Variants in GPC3 observed in about 807,000 individuals in gnomAD.
GPC3 encodes the protein glypican-3.
Under a neutral mutation model 34.4 loss-of-function variants are expected in GPC3, and 3 were observed. The observed-to-expected ratio is 0.09, with a 90% CI of 0.04 to 0.23. GPC3 has a LOEUF of 0.23. Ranked by LOEUF, GPC3 falls within the 10% of genes least tolerant of loss-of-function variation. The pLI is 1.00. For synonymous variants in GPC3, 177 were observed against 174.0 expected (o/e 1.02, Z -0.13); for missense variants, 351 against 445.6 (o/e 0.79, Z 1.91).
At position 133,730,415 on chromosome X, in the gene GPC3, G is replaced by T. The variant is rs762514110; in HGVS notation, c.1032+23067C>A. On this transcript the variant is annotated intron_variant, in intron 3 of 7. Transcript: ENST00000370818. ...ACTTATGCAACAGTCAAAGCTGAGA[G>T]AAACAAGACTGAAAGTTTTTATTCA... Among the ~76,000 whole-genome samples, 7 of 111,815 alleles carry T rather than the reference G, an allele frequency of 6.3e-5. 1 individual carries two copies. In the South Asian group the frequency reaches 2.6e-3, roughly 42 times the overall value.
At chrX:133,908,198 C>T (rs1020325907) in intron 2 of GPC3, among the ~76,000 whole-genome samples, 16 of 111,918 alleles carry the variant, frequency 1.4e-4, no homozygotes, top group African/African-American at 3.9e-4. Flanking sequence ...AGGACCTCTT[C>T]TAAGTTCCTT....
intron 7 of GPC3, among the ~76,000 whole-genome samples, chrX:133,590,890 A>G (rs1445955157): frequency 1.8e-5 from 2 of 112,377 alleles, no homozygotes; most frequent in Non-Finnish European, 3.8e-5. Flanking sequence ...AAAGAAATGA[A>G]CATAATCACA....
intron 2 of GPC3, among the ~76,000 whole-genome samples, chrX:133,851,493 CA>C (rs1333725109): frequency 2.7e-5 from 3 of 111,818 alleles, no homozygotes; most frequent in African/African-American, 9.7e-5. Context: ...ATGGGTTATA[CA>C]ATCAATCTTG....
chrX:133,638,705 T>G (rs944685552), intron 6 of GPC3, among the ~76,000 whole-genome samples: 6 of 110,780 alleles, frequency 5.4e-5, no homozygotes, highest in African/African-American at 1.6e-4. Flanking sequence ...GGAATGATAC[T>G]TTTTAGACTT....
Position 133,858,141 on chromosome X carries a change from C to T in GPC3, c.337+94909G>A, listed in dbSNP as rs750369931. Among the ~76,000 whole-genome samples, 6 of 111,548 alleles carry T rather than the reference C, an allele frequency of 5.4e-5. No homozygotes were observed. The Admixed American group carries it at 5.7e-4, about 11-fold the overall frequency. Reference sequence around the variant, plus strand: ...GGGGGGCTGCTAAAGGAGTGTCTTGCCATTATCTGGAGAAATTTCCGAACT... The same window carrying T: ...GGGGGGCTGCTAAAGGAGTGTCTTGTCATTATCTGGAGAAATTTCCGAACT... On this transcript the variant is annotated intron_variant, in intron 2 of 7. Coordinates refer to ENST00000370818, the MANE Select transcript of GPC3 (RefSeq NM_004484.4).
chrX:133,695,588 A>G (rs897043409), intron 4 of GPC3, among the ~76,000 whole-genome samples: 2 of 112,004 alleles, frequency 1.8e-5, no homozygotes, highest in African/African-American at 6.5e-5. Context: ...GGATGCAAAT[A>G]AAATAAACAC....
At chrX:133,698,821 C>T (rs766546899) in intron 4 of GPC3, among the ~76,000 whole-genome samples, 1 of 111,726 alleles carries the variant, frequency 9.0e-6, no homozygotes, top group African/African-American at 3.2e-5. Flanking sequence ...ATCTTAATTC[C>T]CACTTCTCCT....
intron 2 of GPC3, among the ~76,000 whole-genome samples, chrX:133,863,887 C>T (rs1283914493): frequency 9.4e-6 from 1 of 106,474 alleles, no homozygotes; most frequent in Non-Finnish European, 1.9e-5. Flanking sequence ...GATCTCCTGA[C>T]CTCATGATCC....
At chrX:133,855,865 A>G (rs1225443494) in intron 2 of GPC3, among the ~76,000 whole-genome samples, 4 of 111,354 alleles carry the variant, frequency 3.6e-5, no homozygotes, top group Non-Finnish European at 7.5e-5. Flanking sequence ...AAATACGATC[A>G]TAAAATATTT....
chrX:133,966,763 G>A (rs1465902974), intron 1 of GPC3, among the ~76,000 whole-genome samples: 5 of 112,210 alleles, frequency 4.5e-5, no homozygotes, highest in Admixed American at 3.8e-4. Context: ...CTATACTAAC[G>A]TGCTCTAGTG....
intron 6 of GPC3, among the ~76,000 whole-genome samples, chrX:133,638,574 C>T (rs1353520421): frequency 8.9e-6 from 1 of 111,787 alleles, no homozygotes; most frequent in African/African-American, 3.3e-5. Context: ...TCATACAATA[C>T]GTAGGTCGTT....
At chrX:133,562,743 T>C (rs1029274041) in intron 7 of GPC3, among the ~76,000 whole-genome samples, 5 of 111,880 alleles carry the variant, frequency 4.5e-5, no homozygotes, top group East Asian at 2.8e-4. Flanking sequence ...GCAGGTCCAT[T>C]CTGAGTAGAT....
At position 133,536,153 on chromosome X, in the gene GPC3, C is replaced by T. The variant is rs2069287188; in HGVS notation, c.1714G>A (p.Val572Met). 1 of 1,207,859 alleles carries T rather than the reference C, an allele frequency of 8.3e-7. No homozygotes were observed. ...TGCACCAGGAAGAAGAAGCACACCACCGAGATGGCCATGCTGGTGAGAAGC... is the reference window on the plus strand; with the variant it reads ...TGCACCAGGAAGAAGAAGCACACCATCGAGATGGCCATGCTGGTGAGAAGC... ...LKLLTSMAIS[V>M]VCFFFLVH The change falls in exon 8 of 8, where the codon GTG becomes ATG. Residue 572 changes from valine to methionine, a missense_variant. Physicochemically the swap from Val to Met is conservative, Grantham distance 21. Coordinates refer to ENST00000370818, the MANE Select transcript of GPC3 (RefSeq NM_004484.4).
At chrX:133,810,617 G>T (rs1027742902) in intron 2 of GPC3, among the ~76,000 whole-genome samples, 4 of 111,351 alleles carry the variant, frequency 3.6e-5, no homozygotes, top group Admixed American at 9.5e-5. Flanking sequence ...GTTGAAAGAG[G>T]CCTGGCGCCT....
intron 6 of GPC3, among the ~76,000 whole-genome samples, chrX:133,607,096 G>A (rs2070058211): frequency 9.0e-6 from 1 of 110,789 alleles, no homozygotes; most frequent in South Asian, 3.9e-4. Flanking sequence ...TGTTCTCTTA[G>A]TTGATCTATA....
intron 2 of GPC3, among the ~76,000 whole-genome samples, chrX:133,888,662 C>A (rs1308407735): frequency 1.8e-5 from 2 of 112,319 alleles, no homozygotes; most frequent in African/African-American, 6.5e-5. Flanking sequence ...ATTTGCATTT[C>A]TCTAATGACC....
At chrX:133,613,344 T>C (rs1397033787) in intron 6 of GPC3, among the ~76,000 whole-genome samples, 1 of 111,776 alleles carries the variant, frequency 8.9e-6, no homozygotes, top group East Asian at 2.8e-4. Context: ...TGGAATAATA[T>C]CAAGCCCAAA....
At chrX:133,903,452 A>G (rs1378772644) in intron 2 of GPC3, among the ~76,000 whole-genome samples, 1 of 109,892 alleles carries the variant, frequency 9.1e-6, no homozygotes, top group African/African-American at 3.3e-5. Context: ...AGCCAGGCGC[A>G]GTGGCGTGCA....
At chrX:133,968,265 G>A (rs1377198171) in intron 1 of GPC3, among the ~76,000 whole-genome samples, 1 of 112,309 alleles carries the variant, frequency 8.9e-6, no homozygotes, top group Non-Finnish European at 1.9e-5. Flanking sequence ...CATGGCCGTC[G>A]TCTGTCTACA....
Sources: gnomAD v4.1 joint callset for allele counts (sites outside exome capture counted in the v4.1 genomes callset) on GRCh38, gnomAD v4.1.1 for gene constraint, MANE v1.5 for transcripts, NCBI Gene and HGNC (gene_info 2026-07-23, HGNC 2026-07-21) for gene names.